XPR1: variants seen among roughly 807,000 people sequenced by gnomAD.
XPR1 encodes the protein solute carrier family 53 member 1.
In XPR1, 28 loss-of-function variants were observed where a neutral mutation model predicts 87.5. That is an observed-to-expected ratio of 0.32 (90% CI 0.24 to 0.44). The LOEUF is 0.44. Among genes scored for constraint, XPR1 ranks in the 20% least tolerant of loss-of-function variants. The pLI is 1.00. For synonymous variants in XPR1, 300 were observed against 306.1 expected (o/e 0.98, Z 0.21); for missense variants, 559 against 862.3 (o/e 0.65, Z 4.41).
intron 1 of XPR1, among the ~76,000 whole-genome samples, chr1:180,661,093 T>C (rs1655756205): frequency 6.6e-6 from 1 of 152,200 alleles, no homozygotes; most frequent in Non-Finnish European, 1.5e-5. Context: ...TCTTATTATA[T>C]AGTGACCATT....
At chr1:180,666,128 A>G (rs1431628105) in intron 1 of XPR1, among the ~76,000 whole-genome samples, 2 of 152,186 alleles carry the variant, frequency 1.3e-5, no homozygotes, top group East Asian at 1.9e-4. Context: ...AGGAGGGTTT[A>G]TTTGTGGACT....
chr1:180,794,121 T>C (rs1326107444), intron 3 of XPR1, among the ~76,000 whole-genome samples: 1 of 152,212 alleles, frequency 6.6e-6, no homozygotes, highest in African/African-American at 2.4e-5. Flanking sequence ...GGTGATTTCA[T>C]TTTGGGAACA....
intron 1 of XPR1, among the ~76,000 whole-genome samples, chr1:180,669,226 T>C (rs1277524335): frequency 1.3e-5 from 2 of 152,180 alleles, no homozygotes; most frequent in Non-Finnish European, 2.9e-5. Context: ...GTATGTCTGC[T>C]GTCTGGTTAT....
At chr1:180,637,437 A>T (rs1041605829) in intron 1 of XPR1, among the ~76,000 whole-genome samples, 4 of 152,232 alleles carry the variant, frequency 2.6e-5, no homozygotes, top group Admixed American at 6.5e-5. Flanking sequence ...ATGACAACAG[A>T]GCTGAGGTTT....
At chr1:180,705,865 A>G (rs1304526298) in intron 2 of XPR1, among the ~76,000 whole-genome samples, 2 of 152,204 alleles carry the variant, frequency 1.3e-5, no homozygotes, top group Non-Finnish European at 2.9e-5. Context: ...TTTATTCGCA[A>G]TGGCCATGAA....
intron 2 of XPR1, among the ~76,000 whole-genome samples, chr1:180,767,792 G>A (rs992385526): frequency 6.6e-6 from 1 of 151,964 alleles, no homozygotes; most frequent in African/African-American, 2.4e-5. Context: ...TTGTCATGAG[G>A]ATTAGGAGCA....
At chr1:180,836,262 A>G (rs1474781782) in intron 10 of XPR1, among the ~76,000 whole-genome samples, 2 of 151,972 alleles carry the variant, frequency 1.3e-5, no homozygotes, top group South Asian at 4.1e-4. Flanking sequence ...AAAGGCTGAG[A>G]TGAGAGAATC....
intron 1 of XPR1, among the ~76,000 whole-genome samples, chr1:180,667,358 C>A (rs975389851): frequency 6.6e-6 from 1 of 151,962 alleles, no homozygotes; most frequent in Admixed American, 6.6e-5. Context: ...ATGTGATATC[C>A]CCCCTTCATT....
chr1:180,733,195 T>G (rs1245821569), intron 2 of XPR1, among the ~76,000 whole-genome samples: 1 of 152,174 alleles, frequency 6.6e-6, no homozygotes, highest in East Asian at 1.9e-4. Context: ...AAGGTGGTCT[T>G]GGGAAATGCA....
At chr1:180,766,841 A>G (rs765673828) in intron 2 of XPR1, among the ~76,000 whole-genome samples, 4 of 152,122 alleles carry the variant, frequency 2.6e-5, no homozygotes, top group Non-Finnish European at 4.4e-5. Flanking sequence ...TGATCTATAA[A>G]TTTATTATTT....
intron 1 of XPR1, among the ~76,000 whole-genome samples, chr1:180,666,936 G>T (rs1464767297): frequency 1.4e-5 from 2 of 147,750 alleles, no homozygotes; most frequent in African/African-American, 5.0e-5. Context: ...TTTTTTCCAT[G>T]ACAAGGTCTC....
At chr1:180,739,549 C>T (rs1282334756) in intron 2 of XPR1, among the ~76,000 whole-genome samples, 2 of 152,084 alleles carry the variant, frequency 1.3e-5, no homozygotes, top group African/African-American at 4.8e-5. Context: ...ATTTTGGCTT[C>T]CAATACATGA....
chr1:180,861,691 C>G (rs1324716868), intron 11 of XPR1, among the ~76,000 whole-genome samples: 1 of 151,916 alleles, frequency 6.6e-6, no homozygotes, highest in Non-Finnish European at 1.5e-5. Flanking sequence ...TAAAGAAATA[C>G]CAATTTCTTT....
chr1:180,707,126 T>G (rs1157348428), intron 2 of XPR1, among the ~76,000 whole-genome samples: 3 of 152,234 alleles, frequency 2.0e-5, no homozygotes, highest in Non-Finnish European at 4.4e-5. Flanking sequence ...ATAGAATTTT[T>G]ATCTTGACAG....
chr1:180,755,581 A>G (rs933398470), intron 2 of XPR1, among the ~76,000 whole-genome samples: 1 of 152,184 alleles, frequency 6.6e-6, no homozygotes, highest in Admixed American at 6.5e-5. Context: ...CTACTTCACA[A>G]TAATCCATAA....
At chr1:180,775,371 C>G (rs1009556770) in intron 2 of XPR1, among the ~76,000 whole-genome samples, 2 of 151,922 alleles carry the variant, frequency 1.3e-5, no homozygotes, top group African/African-American at 4.8e-5. Flanking sequence ...ATCCCTTGAG[C>G]CCAGGAGTTT....
chr1:180,693,101 A>G (rs550167481), intron 2 of XPR1, among the ~76,000 whole-genome samples: 1 of 152,234 alleles, frequency 6.6e-6, no homozygotes, highest in African/African-American at 2.4e-5. Flanking sequence ...TGGGAATTAC[A>G]AATGTAGACT....
intron 12 of XPR1, among the ~76,000 whole-genome samples, chr1:180,872,743 TA>T (rs1198048957): frequency 2.7e-5 from 4 of 148,756 alleles, no homozygotes; most frequent in Non-Finnish European, 4.5e-5. Context: ...ATGAACCCGG[TA>T]CCTCAGATGG....
At chr1:180,704,905 C>T (rs921379698) in intron 2 of XPR1, among the ~76,000 whole-genome samples, 2 of 134,662 alleles carry the variant, frequency 1.5e-5, no homozygotes, top group African/African-American at 5.4e-5. Flanking sequence ...TTGGAAGTAT[C>T]ATTGCTACTG....
Sources: allele counts gnomAD v4.1 joint callset (sites outside exome capture counted in the v4.1 genomes callset), GRCh38; gene constraint gnomAD v4.1.1; transcripts MANE v1.5; gene names NCBI Gene and HGNC (gene_info 2026-07-23, HGNC 2026-07-21).